PSMA1: variants seen among roughly 807,000 people sequenced by gnomAD.
PSMA1 encodes the protein proteasome 20S subunit alpha 1.
Under a neutral mutation model 38.4 loss-of-function variants are expected in PSMA1, and 3 were observed. The observed-to-expected ratio is 0.08, with a 90% CI of 0.04 to 0.20. The LOEUF is 0.20. Ranked by LOEUF, PSMA1 falls within the 10% of genes least tolerant of loss-of-function variation. The pLI is 1.00. For missense variants in PSMA1, 227 were observed against 325.3 expected (o/e 0.70, Z 2.32); for synonymous variants, 101 against 107.1 (o/e 0.94, Z 0.35).
intron 2 of PSMA1, among the ~76,000 whole-genome samples, chr11:14,558,117 A>G (rs1851961751): frequency 6.6e-6 from 1 of 152,082 alleles, no homozygotes; most frequent in Admixed American, 6.5e-5. Flanking sequence ...TAATCATATT[A>G]AAAGTCACAA....
chr11:14,622,038 C>T (rs1422780329), intron 1 of PSMA1, among the ~76,000 whole-genome samples: 1 of 152,174 alleles, frequency 6.6e-6, no homozygotes, highest in Non-Finnish European at 1.5e-5. Context: ...TTAATCCATT[C>T]ATAAAATACA....
chr11:14,507,408 C>A (rs1048838907), intron 9 of PSMA1, among the ~76,000 whole-genome samples: 1 of 152,110 alleles, frequency 6.6e-6, no homozygotes, highest in Non-Finnish European at 1.5e-5. Context: ...CCTCGTGATT[C>A]ACCCGCCTCG....
chr11:14,623,302 T>C (rs1322139363), intron 1 of PSMA1, among the ~76,000 whole-genome samples: 1 of 152,148 alleles, frequency 6.6e-6, no homozygotes, highest in Admixed American at 6.5e-5. Flanking sequence ...GTGGGTCTGT[T>C]CTGTATGTGA....
Position 14,519,099 on chromosome 11 carries a change from T to C in PSMA1, c.4-58A>G, listed in dbSNP as rs193223003. ...GAAGAACATTTCAAATCCCAACTCT[T>C]AACATTCATTAAGAAATATGCTTGT... is the stretch of plus-strand genomic sequence containing the variant. On this transcript the variant is annotated intron_variant, in intron 1 of 9. Transcript: ENST00000396394. The C allele has an allele frequency of 4.5e-6, 6 of 1,319,132 alleles. No homozygotes were observed. In the Admixed American group the frequency reaches 9.1e-5, roughly 20 times the overall value. The allele number at this position is 1,319,132 out of a possible 1,614,324, so 81.7% of individuals were successfully genotyped here. A position where few individuals can be genotyped will look rare whatever the true frequency, so the allele number is the denominator to read the frequency against.
chr11:14,618,212 A>C (rs1852799671), intron 1 of PSMA1, among the ~76,000 whole-genome samples: 1 of 152,224 alleles, frequency 6.6e-6, no homozygotes, highest in Non-Finnish European at 1.5e-5. Context: ...TCTTTAATTT[A>C]TCCTGCTTTT....
At chr11:14,617,989 C>G (rs1293713108) in intron 1 of PSMA1, among the ~76,000 whole-genome samples, 2 of 152,152 alleles carry the variant, frequency 1.3e-5, no homozygotes, top group African/African-American at 4.8e-5. Context: ...AGCATAGAAA[C>G]TATGTTCTAG....
At chr11:14,541,284 A>C (rs2134164484) in intron 2 of PSMA1, among the ~76,000 whole-genome samples, 1 of 152,298 alleles carries the variant, frequency 6.6e-6, no homozygotes, top group South Asian at 2.1e-4. Context: ...AGTCTTTCCA[A>C]ATAAGCCTGT....
chr11:14,614,891 T>TAAA (rs1212899114), intron 1 of PSMA1, among the ~76,000 whole-genome samples: 1 of 152,216 alleles, frequency 6.6e-6, no homozygotes, highest in Non-Finnish European at 1.5e-5. Context: ...TTTTCTAACT[T>TAAA]AAACTATGCT....
chr11:14,639,618 C>G (rs1853172632), intron 1 of PSMA1, among the ~76,000 whole-genome samples: 1 of 152,128 alleles, frequency 6.6e-6, no homozygotes, highest in Non-Finnish European at 1.5e-5. Context: ...CTTTATGTAA[C>G]AAATAATAAC....
chr11:14,634,958 A>T (rs1294229767), intron 1 of PSMA1, among the ~76,000 whole-genome samples: 1 of 152,196 alleles, frequency 6.6e-6, no homozygotes, highest in Non-Finnish European at 1.5e-5. Flanking sequence ...GTTTATTTTG[A>T]AACCATTTTT....
chr11:14,542,473 A>C (rs902404663), intron 2 of PSMA1, among the ~76,000 whole-genome samples: 3 of 152,240 alleles, frequency 2.0e-5, no homozygotes, highest in African/African-American at 7.2e-5. Flanking sequence ...ACTGCTTTTC[A>C]ATAGAAAATG....
chr11:14,542,254 T>C (rs1851780925), intron 2 of PSMA1, among the ~76,000 whole-genome samples: 1 of 152,222 alleles, frequency 6.6e-6, no homozygotes, highest in Non-Finnish European at 1.5e-5. Flanking sequence ...TCCCCTTTCA[T>C]GATGTTAATG....
intron 2 of PSMA1, among the ~76,000 whole-genome samples, chr11:14,550,249 CATT>C (rs1851871439): frequency 6.6e-6 from 1 of 152,124 alleles, no homozygotes; most frequent in Non-Finnish European, 1.5e-5. Context: ...ATTTCATAAA[CATT>C]AATACGTTTC....
chr11:14,567,964 A>C (rs920248385), intron 2 of PSMA1, among the ~76,000 whole-genome samples: 1 of 152,222 alleles, frequency 6.6e-6, no homozygotes. Flanking sequence ...TTAATAAATC[A>C]ACAATATATA....
intron 1 of PSMA1, among the ~76,000 whole-genome samples, chr11:14,630,347 C>T (rs1852986040): frequency 6.6e-6 from 1 of 152,118 alleles, no homozygotes; most frequent in Non-Finnish European, 1.5e-5. Flanking sequence ...CCATCAATAC[C>T]TAATTTATTG....
intron 2 of PSMA1, among the ~76,000 whole-genome samples, chr11:14,536,618 A>T (rs982207838): frequency 7.3e-4 from 109 of 149,970 alleles, no homozygotes; most frequent in African/African-American, 2.5e-3. Flanking sequence ...ATTTTTTTTT[A>T]TTTTTATTTT....
chr11:14,520,102 G>A lies in PSMA1; in HGVS notation c.3+195C>T, dbSNP rs189675575. Reference sequence around the variant, plus strand: ...CCCCGGGAAGCGAAAGCGGTGGAAAGGCCGCACTGGCTACCGATAACCCCT... The same window carrying A: ...CCCCGGGAAGCGAAAGCGGTGGAAAAGCCGCACTGGCTACCGATAACCCCT... On this transcript the variant is annotated intron_variant, in intron 1 of 9. Transcript: ENST00000396394. 6,845 of 810,732 alleles carry A rather than the reference G, an allele frequency of 8.4e-3. 33 individuals are homozygous for A. Among genetic ancestry groups the A allele is most frequent in the Non-Finnish European group, 0.011 (5,483 of 504,576 alleles). The allele number at this position is 810,732 out of a possible 1,614,324, so 50.2% of individuals were successfully genotyped here. A position where few individuals can be genotyped will look rare whatever the true frequency, so the allele number is the denominator to read the frequency against.
chr11:14,630,297 G>C (rs1175578888), intron 1 of PSMA1, among the ~76,000 whole-genome samples: 2 of 152,122 alleles, frequency 1.3e-5, no homozygotes, highest in African/African-American at 4.8e-5. Flanking sequence ...TATTGGCTGT[G>C]GGTTTCTCAT....
At chr11:14,516,331 A>G (rs1409409959) in intron 4 of PSMA1, among the ~76,000 whole-genome samples, 1 of 152,058 alleles carries the variant, frequency 6.6e-6, no homozygotes, top group Non-Finnish European at 1.5e-5. Context: ...CAGCCTTTTG[A>G]GTAGCTAGGA....
Sources: gnomAD v4.1 joint callset for allele counts (sites outside exome capture counted in the v4.1 genomes callset) on GRCh38, gnomAD v4.1.1 for gene constraint, MANE v1.5 for transcripts, NCBI Gene and HGNC (gene_info 2026-07-23, HGNC 2026-07-21) for gene names.